Variants in B3GALT1 observed in about 807,000 individuals in gnomAD.
The protein encoded by B3GALT1 is beta-1,3-galactosyltransferase 1.
A neutral mutation model predicts 23.2 loss-of-function variants in B3GALT1; 10 were observed. The ratio of observed to expected loss-of-function variants is 0.43; its 90% confidence interval spans 0.27 to 0.73. The LOEUF (loss-of-function observed/expected upper bound fraction) is 0.73. B3GALT1 is among the 30% of genes least tolerant of loss of function. The probability of loss-of-function intolerance (pLI) is 0.21; values close to 1 mark genes in which losing one functional copy is unlikely to be tolerated. For missense variants in B3GALT1, 299 were observed against 405.4 expected, an observed-to-expected ratio of 0.74 and a Z score of 2.25; for synonymous variants, 156 against 141.5, an observed-to-expected ratio of 1.10 and a Z score of -0.73.
At chr2:167,700,573 G>C (rs1212864073) in intron 3 of B3GALT1, among the ~76,000 whole-genome samples, 1 of 152,130 alleles carries the variant, frequency 6.6e-6, no homozygotes, top group East Asian at 1.9e-4. Flanking sequence ...TGATAGAAAT[G>C]TATGTCTTCA....
At chr2:167,621,495 T>G (rs1361401847) in intron 2 of B3GALT1, among the ~76,000 whole-genome samples, 3 of 152,100 alleles carry the variant, frequency 2.0e-5, no homozygotes, top group African/African-American at 7.2e-5. Flanking sequence ...ATAAGACTTT[T>G]TTTCACTTCA....
At chr2:167,563,407 G>A (rs528035476) in intron 2 of B3GALT1, among the ~76,000 whole-genome samples, 1 of 132,478 alleles carries the variant, frequency 7.5e-6, no homozygotes, top group South Asian at 2.5e-4. Context: ...GCCGGGCGGG[G>A]GGCTGACCCC....
At chr2:167,834,405 A>T (rs1407986357) in intron 4 of B3GALT1, among the ~76,000 whole-genome samples, 1 of 152,186 alleles carries the variant, frequency 6.6e-6, no homozygotes, top group Non-Finnish European at 1.5e-5. Flanking sequence ...AAATGAGAAG[A>T]TGGAGAAAGA....
intron 1 of B3GALT1, among the ~76,000 whole-genome samples, chr2:167,325,702 C>CTTTTTTTTTTTTTTTTTTTTTTTT (rs61066636): frequency 9.0e-6 from 1 of 110,566 alleles, no homozygotes; most frequent in African/African-American, 3.3e-5. Context: ...ACCCTGTTTT[C>CTTTTTTTTTTTTTTTTTTTTTTTT]TTTTTTTTTT....
At chr2:167,762,366 A>G (rs1263499141) in intron 3 of B3GALT1, among the ~76,000 whole-genome samples, 3 of 152,296 alleles carry the variant, frequency 2.0e-5, no homozygotes, top group East Asian at 3.9e-4. Flanking sequence ...TGTAATTACA[A>G]TTATATTTTG....
At chr2:167,467,856 A>G (rs187469371) in intron 1 of B3GALT1, among the ~76,000 whole-genome samples, 106 of 152,320 alleles carry the variant, frequency 7.0e-4, no homozygotes, top group Non-Finnish European at 1.0e-3. Flanking sequence ...TCAAAAATAT[A>G]TATTAAATAT....
In B3GALT1 at chr2:167,470,903, C is replaced by T. The variant is rs1297458458; in HGVS notation, c.-510-19274C>T. ...CAATTTCATATAGCTATTATAGGGG[C>T]ACATTCAGAGCTGCTGCTCTAAGGA... On this transcript the variant is annotated intron_variant, in intron 1 of 4. Transcript: ENST00000392690. 2.0e-5 allele frequency among the ~76,000 whole-genome samples: 3 copies of T among 152,154 alleles called. No homozygotes were observed. In the East Asian group the frequency reaches 5.8e-4, roughly 29 times the overall value.
At chr2:167,694,391 G>T (rs2105504176) in intron 3 of B3GALT1, among the ~76,000 whole-genome samples, 1 of 152,104 alleles carries the variant, frequency 6.6e-6, no homozygotes, top group Non-Finnish European at 1.5e-5. Context: ...CCTCAAGAGA[G>T]GTCAAATAAT....
At chr2:167,754,856 A>G (rs1377733798) in intron 3 of B3GALT1, among the ~76,000 whole-genome samples, 4 of 152,246 alleles carry the variant, frequency 2.6e-5, no homozygotes, top group African/African-American at 4.8e-5. Context: ...AAAAATGTCA[A>G]TCACACAAAT....
chr2:167,416,934 C>G (rs1427584094), intron 1 of B3GALT1, among the ~76,000 whole-genome samples: 3 of 152,170 alleles, frequency 2.0e-5, no homozygotes, highest in African/African-American at 4.8e-5. Context: ...TAGGCCTGTA[C>G]TATTATTGTA....
intron 2 of B3GALT1, among the ~76,000 whole-genome samples, chr2:167,577,604 G>C (rs181065435): frequency 1.3e-4 from 19 of 151,870 alleles, no homozygotes; most frequent in Non-Finnish European, 1.8e-4. Flanking sequence ...ATAATGAACA[G>C]GTTTCTTTCA....
In B3GALT1 at chr2:167,408,275, T is replaced by G. The variant is rs374918610; in HGVS notation, c.-510-81902T>G. On this transcript the variant is annotated intron_variant, in intron 1 of 4. Coordinates refer to ENST00000392690, the MANE Select transcript of B3GALT1 (RefSeq NM_020981.4). ...TAACAGAATCAGAAAAACCTTATGA[T>G]TATTTGAATAGATGCTGAAAAAGCA... 2.6e-5 allele frequency among the ~76,000 whole-genome samples: 4 copies of G among 152,306 alleles called. No individual in the cohort carries two copies. The South Asian group carries it at 8.3e-4, about 32-fold the overall frequency.
chr2:167,793,658 A>G (rs919435848), intron 3 of B3GALT1, among the ~76,000 whole-genome samples: 2 of 152,200 alleles, frequency 1.3e-5, no homozygotes, highest in African/African-American at 4.8e-5. Context: ...CCACATGATC[A>G]ATATTTTGGA....
intron 3 of B3GALT1, among the ~76,000 whole-genome samples, chr2:167,799,576 ATTG>A (rs1273058534): frequency 6.6e-6 from 1 of 152,184 alleles, no homozygotes; most frequent in Non-Finnish European, 1.5e-5. Flanking sequence ...ATTGCAAAGG[ATTG>A]TTTTTACTAT....
At chr2:167,777,086 ACT>A (rs1048346503) in intron 3 of B3GALT1, among the ~76,000 whole-genome samples, 3 of 151,956 alleles carry the variant, frequency 2.0e-5, no homozygotes, top group Non-Finnish European at 2.9e-5. Flanking sequence ...GAAGAGACAA[ACT>A]CTCTAATTTT....
chr2:167,780,710 G>A (rs1002330094), intron 3 of B3GALT1, among the ~76,000 whole-genome samples: 7 of 152,188 alleles, frequency 4.6e-5, no homozygotes, highest in African/African-American at 1.4e-4. Flanking sequence ...TGTGATCCAT[G>A]CTGAAGTTTC....
chr2:167,401,185 A>C (rs1346902936), intron 1 of B3GALT1, among the ~76,000 whole-genome samples: 1 of 152,140 alleles, frequency 6.6e-6, no homozygotes, highest in Non-Finnish European at 1.5e-5. Flanking sequence ...CAATTAAGTA[A>C]TTAAAATAGT....
chr2:167,785,468 C>T (rs1459387039), intron 3 of B3GALT1, among the ~76,000 whole-genome samples: 2 of 152,136 alleles, frequency 1.3e-5, no homozygotes, highest in African/African-American at 4.8e-5. Context: ...AAAGACCCAT[C>T]TTAAGTTTTC....
At position 167,828,197 on chromosome 2, in the gene B3GALT1, C is replaced by G. The variant is rs149853616; in HGVS notation, c.-230+9404C>G. 3.1e-3 allele frequency among the ~76,000 whole-genome samples: 477 copies of G among 152,284 alleles called. 9 individuals are homozygous for G. Among genetic ancestry groups the G allele is most frequent in the African/African-American group, 0.011 (454 of 41,554 alleles). ...TGTTAGTCAAATGAATTAGCATACA[C>G]CATCTAGTCCTAGAATTTGGAAAAC... On this transcript the variant is annotated intron_variant, in intron 4 of 4. Transcript: ENST00000392690.
Sources: allele counts gnomAD v4.1 joint callset (sites outside exome capture counted in the v4.1 genomes callset), GRCh38; gene constraint gnomAD v4.1.1; transcripts MANE v1.5; gene names NCBI Gene and HGNC (gene_info 2026-07-23, HGNC 2026-07-21).